Variants in DMD observed in about 807,000 individuals in gnomAD.
DMD encodes mutant dystrophin.
A neutral mutation model predicts 330.1 loss-of-function variants in DMD; 63 were observed. The observed-to-expected ratio is 0.19, with a 90% CI of 0.16 to 0.24. The LOEUF (loss-of-function observed/expected upper bound fraction) is 0.24. DMD is among the 10% of genes least tolerant of loss of function. DMD has a pLI of 1.00. For missense variants in DMD, 3,344 were observed against 2,684.1 expected, an observed-to-expected ratio of 1.25 and a Z score of -5.43; for synonymous variants, 1,223 against 959.8, an observed-to-expected ratio of 1.27 and a Z score of -5.07.
At chrX:31,312,166 G>C (rs1398200258) in intron 62 of DMD, among the ~76,000 whole-genome samples, 1 of 112,112 alleles carries the variant, frequency 8.9e-6, no homozygotes, top group African/African-American at 3.2e-5. Context: ...AAAGTGAATA[G>C]GCAACCTACA....
intron 50 of DMD, among the ~76,000 whole-genome samples, chrX:31,777,471 A>G (rs1383820503): frequency 3.0e-5 from 3 of 99,866 alleles, no homozygotes; most frequent in African/African-American, 1.1e-4. Flanking sequence ...TCCTTGCTCT[A>G]TAATTTTTTT....
At chrX:31,553,808 G>A (rs1038824638) in intron 55 of DMD, among the ~76,000 whole-genome samples, 9 of 112,298 alleles carry the variant, frequency 8.0e-5, no homozygotes, top group Non-Finnish European at 1.3e-4. Flanking sequence ...AAATCTTAAA[G>A]GCTTGTAGAA....
chrX:32,779,638 G>C (rs766038612), intron 7 of DMD, among the ~76,000 whole-genome samples: 1 of 98,810 alleles, frequency 1.0e-5, no homozygotes, highest in African/African-American at 3.8e-5. Flanking sequence ...ATGGTTTCCA[G>C]CTTCATCCAT....
chrX:32,049,234 T>C (rs1383327897), intron 44 of DMD, among the ~76,000 whole-genome samples: 1 of 111,462 alleles, frequency 9.0e-6, no homozygotes, highest in African/African-American at 3.3e-5. Context: ...AGGAATACTA[T>C]GTTCAACTGA....
intron 30 of DMD, among the ~76,000 whole-genome samples, chrX:32,396,401 C>A (rs753208840): frequency 7.3e-4 from 81 of 110,824 alleles, no homozygotes; most frequent in African/African-American, 2.5e-3. Context: ...TAGTGAAATT[C>A]GCATATTTGT....
At position 32,620,942 on chromosome X, in the gene DMD, T is replaced by C. The variant is rs142838632; in HGVS notation, c.1332-6489A>G. Among the ~76,000 whole-genome samples, 289 of 111,615 alleles carry C rather than the reference T, an allele frequency of 2.6e-3. 1 individual carries two copies. Among genetic ancestry groups the C allele is most frequent in the African/African-American group, 9.0e-3 (278 of 30,761 alleles). On this transcript the variant is annotated intron_variant, in intron 11 of 78. Coordinates refer to ENST00000357033, the MANE Select transcript of DMD (RefSeq NM_004006.3). ...GAGACTTGAAAAATTCATTCATTAA[T>C]TTACGAAATATACAATTATTGAGTA...
chrX:32,711,222 T>C (rs937515470), intron 7 of DMD, among the ~76,000 whole-genome samples: 2 of 111,900 alleles, frequency 1.8e-5, no homozygotes, highest in Middle Eastern at 4.7e-3. Context: ...CCCATTTTCT[T>C]GGTATAGCTT....
intron 44 of DMD, among the ~76,000 whole-genome samples, chrX:31,978,354 C>T (rs1233753257): frequency 1.8e-5 from 2 of 110,650 alleles, no homozygotes; most frequent in East Asian, 2.9e-4. Context: ...ACTTCTTGCC[C>T]GGTTGATTCC....
chrX:32,401,168 C>A (rs1231692556), intron 30 of DMD, among the ~76,000 whole-genome samples: 3 of 82,635 alleles, frequency 3.6e-5, no homozygotes, highest in African/African-American at 1.5e-4. Context: ...ACATCACACA[C>A]CGGGGACTGT....
At chrX:32,168,004 A>C (rs1055588038) in intron 44 of DMD, among the ~76,000 whole-genome samples, 1 of 112,676 alleles carries the variant, frequency 8.9e-6, no homozygotes, top group Non-Finnish European at 1.9e-5. Flanking sequence ...TGATTTATAC[A>C]AGATAAGCAT....
intron 55 of DMD, among the ~76,000 whole-genome samples, chrX:31,565,018 G>A (rs771769173): frequency 5.3e-5 from 6 of 112,198 alleles, no homozygotes; most frequent in Non-Finnish European, 9.4e-5. Flanking sequence ...AATGACTGTT[G>A]AAGTCTTAAA....
intron 44 of DMD, among the ~76,000 whole-genome samples, chrX:32,033,641 GAAAGA>G (rs781654089): frequency 8.5e-5 from 5 of 58,624 alleles, no homozygotes; most frequent in African/African-American, 1.2e-4. Flanking sequence ...AAGAAAGAAA[GAAAGA>G]AAGAAAGAAG....
At chrX:31,575,895 T>A (rs1356048267) in intron 55 of DMD, among the ~76,000 whole-genome samples, 2 of 112,290 alleles carry the variant, frequency 1.8e-5, no homozygotes, top group Non-Finnish European at 3.8e-5. Flanking sequence ...CATCATCAAG[T>A]AAGTCTAGAT....
chrX:32,325,423 G>C (rs997534191), intron 41 of DMD, among the ~76,000 whole-genome samples: 1 of 111,563 alleles, frequency 9.0e-6, no homozygotes, highest in Admixed American at 9.6e-5. Flanking sequence ...TTTATCAGTA[G>C]GCATGGCCCC....
Position 32,458,756 on chromosome X carries a change from C to A in DMD, c.3433-3924G>T, listed in dbSNP as rs959771360. 2.7e-5 allele frequency among the ~76,000 whole-genome samples: 3 copies of A among 111,514 alleles called. No homozygotes were observed. In the East Asian group the frequency reaches 8.4e-4, roughly 31 times the overall value. ...CATTTTTCAGATGATTAGTGATGCA[C>A]CTTTTCATATACCTGTTGGTCATTT... On this transcript the variant is annotated intron_variant, in intron 25 of 78. Transcript: ENST00000357033.
chrX:32,813,045 C>T (rs996546392), intron 6 of DMD, among the ~76,000 whole-genome samples: 2 of 110,830 alleles, frequency 1.8e-5, no homozygotes, highest in African/African-American at 6.6e-5. Flanking sequence ...GCTGTATTCC[C>T]TTGTCTTACC....
chrX:31,750,462 C>T (rs1030695484), intron 51 of DMD, among the ~76,000 whole-genome samples: 8 of 110,481 alleles, frequency 7.2e-5, no homozygotes, highest in South Asian at 3.9e-4. Flanking sequence ...GGTAGATATG[C>T]GGCGTTACTT....
chrX:32,261,211 T>A (rs1344786378), intron 43 of DMD, among the ~76,000 whole-genome samples: 1 of 111,943 alleles, frequency 8.9e-6, no homozygotes, highest in Non-Finnish European at 1.9e-5. Flanking sequence ...AAATCAAAGC[T>A]ATCAACAGAG....
At chrX:32,784,680 G>C (rs1401830982) in intron 7 of DMD, among the ~76,000 whole-genome samples, 1 of 111,710 alleles carries the variant, frequency 9.0e-6, no homozygotes, top group Non-Finnish European at 1.9e-5. Context: ...GGGAAGCAGA[G>C]TAAGAACTAC....
Sources: gnomAD v4.1 joint callset for allele counts (sites outside exome capture counted in the v4.1 genomes callset) on GRCh38, gnomAD v4.1.1 for gene constraint, MANE v1.5 for transcripts, NCBI Gene and HGNC (gene_info 2026-07-23, HGNC 2026-07-21) for gene names.